CSMD1: variants seen among roughly 807,000 people sequenced by gnomAD.
The protein encoded by CSMD1 is CUB and sushi domain-containing protein 1.
A neutral mutation model predicts 417.5 loss-of-function variants in CSMD1; 213 were observed. The observed-to-expected ratio is 0.51, with a 90% CI of 0.46 to 0.57. The LOEUF (loss-of-function observed/expected upper bound fraction) is 0.57, where lower values mean the gene tolerates loss of function less well. Among genes scored for constraint, CSMD1 ranks in the 20% least tolerant of loss-of-function variants. CSMD1 has a pLI of 0.00. For missense variants in CSMD1, 6,923 were observed against 4,529.7 expected (o/e 1.53, Z -15.17); for synonymous variants, 2,862 against 1,736.8 (o/e 1.65, Z -16.11).
At chr8:4,077,293 A>G (rs376111082) in intron 3 of CSMD1, among the ~76,000 whole-genome samples, 2,365 of 84,386 alleles carry the variant, frequency 0.028, 39 homozygotes, top group Non-Finnish European at 0.034. Flanking sequence ...ATATATATAT[A>G]TGTGTATATA....
At chr8:4,024,307 C>T (rs1410075856) in intron 4 of CSMD1, among the ~76,000 whole-genome samples, 1 of 152,106 alleles carries the variant, frequency 6.6e-6, no homozygotes, top group African/African-American at 2.4e-5. Context: ...AAACAAATTA[C>T]ATAAAAGACA....
intron 1 of CSMD1, among the ~76,000 whole-genome samples, chr8:4,742,000 CTTTTTTTTTTTTTTTTTTTTT>C (rs71209120): frequency 1.6e-4 from 12 of 73,814 alleles, no homozygotes; most frequent in African/African-American, 5.4e-4. Context: ...ACCACACCCA[CTTTTTTTTTTTTTTTTTTTTT>C]TTTTTTTTTT....
At chr8:3,893,443 G>A (rs1054621230) in intron 5 of CSMD1, among the ~76,000 whole-genome samples, 2 of 147,586 alleles carry the variant, frequency 1.4e-5, no homozygotes, top group Non-Finnish European at 3.0e-5. Context: ...AAACCAATGA[G>A]GACAGTATGA....
chr8:3,747,930 A>T (rs1011998740), intron 6 of CSMD1, among the ~76,000 whole-genome samples: 12 of 152,124 alleles, frequency 7.9e-5, no homozygotes, highest in Non-Finnish European at 1.6e-4. Flanking sequence ...CAGCCCTAGA[A>T]AAAACCCTTG....
At chr8:3,210,942 A>G (rs983835522) in intron 30 of CSMD1, among the ~76,000 whole-genome samples, 5 of 151,984 alleles carry the variant, frequency 3.3e-5, no homozygotes, top group African/African-American at 7.3e-5. Flanking sequence ...ACTAGACTCT[A>G]TATAATTGCT....
intron 3 of CSMD1, among the ~76,000 whole-genome samples, chr8:4,216,250 A>C (rs1800660862): frequency 6.6e-6 from 1 of 151,826 alleles, no homozygotes; most frequent in Non-Finnish European, 1.5e-5. Flanking sequence ...TTCTGCCTGG[A>C]ATCCTTTCAC....
chr8:4,242,910 T>G (rs1003521552), intron 3 of CSMD1, among the ~76,000 whole-genome samples: 5 of 152,292 alleles, frequency 3.3e-5, no homozygotes, highest in African/African-American at 2.4e-5. Context: ...GTTCTAAAAC[T>G]TTTTCTGACC....
intron 5 of CSMD1, among the ~76,000 whole-genome samples, chr8:3,973,967 T>G (rs1487526405): frequency 1.3e-5 from 2 of 152,220 alleles, no homozygotes; most frequent in African/African-American, 4.8e-5. Context: ...ATCCATTCCC[T>G]CAAGCATTTA....
Position 4,050,382 on chromosome 8 carries a change from TTTTTTAA to T in CSMD1, c.416-18290_416-18284del, listed in dbSNP as rs568755001. ...AATCAAGAGCAGAGAATCTACAAAC[TTTTTTAA>T]TTTTTAATTTTTAAAATTTTATTTA... is the stretch of plus-strand genomic sequence containing the variant. On this transcript the variant is annotated intron_variant, in intron 3 of 69. Coordinates refer to ENST00000635120, the MANE Select transcript of CSMD1 (RefSeq NM_033225.6). Among the ~76,000 whole-genome samples the T allele has an allele frequency of 1.2e-3, 182 of 152,314 alleles. 1 individual carries two copies. The highest frequency in any genetic ancestry group is 4.3e-3 in the African/African-American group (178 of 41,564).
intron 5 of CSMD1, among the ~76,000 whole-genome samples, chr8:3,875,127 GT>G (rs1805731059): frequency 6.6e-6 from 1 of 151,974 alleles, no homozygotes; most frequent in South Asian, 2.1e-4. Context: ...ACATTGTGGG[GT>G]TTGGAAATTA....
At chr8:3,546,014 G>C (rs1010677779) in intron 10 of CSMD1, among the ~76,000 whole-genome samples, 1 of 152,208 alleles carries the variant, frequency 6.6e-6, no homozygotes, top group African/African-American at 2.4e-5. Flanking sequence ...ATGACACTGA[G>C]AAAGATTTCT....
chr8:4,630,772 T>A (rs1304324063), intron 2 of CSMD1, among the ~76,000 whole-genome samples: 1 of 152,076 alleles, frequency 6.6e-6, no homozygotes, highest in Non-Finnish European at 1.5e-5. Flanking sequence ...ATTGATGGGT[T>A]TCTGTGATGT....
At chr8:3,948,975 G>C (rs1051453120) in intron 5 of CSMD1, among the ~76,000 whole-genome samples, 3 of 151,694 alleles carry the variant, frequency 2.0e-5, no homozygotes, top group Non-Finnish European at 4.4e-5. Context: ...TTATCACCAG[G>C]GTAAGAAGTT....
intron 1 of CSMD1, among the ~76,000 whole-genome samples, chr8:4,709,608 G>A (rs990768936): frequency 1.3e-5 from 2 of 152,196 alleles, no homozygotes; most frequent in Non-Finnish European, 2.9e-5. Flanking sequence ...CCAAAGGCAA[G>A]AAACAAATAT....
chr8:3,820,228 C>A (rs1052950389), intron 5 of CSMD1, among the ~76,000 whole-genome samples: 1 of 152,140 alleles, frequency 6.6e-6, no homozygotes, highest in Admixed American at 6.5e-5. Context: ...AGGGGTCAGC[C>A]ATATAGACAC....
At chr8:4,306,476 T>G (rs957946630) in intron 3 of CSMD1, among the ~76,000 whole-genome samples, 1 of 152,230 alleles carries the variant, frequency 6.6e-6, no homozygotes, top group Admixed American at 6.5e-5. Context: ...TGTGAATGCC[T>G]CAGCAGGGTG....
intron 1 of CSMD1, among the ~76,000 whole-genome samples, chr8:4,872,623 C>A (rs1425559854): frequency 6.6e-6 from 1 of 152,060 alleles, no homozygotes; most frequent in East Asian, 1.9e-4. Context: ...CAGTTCTTTA[C>A]AGTGGTATGA....
At chr8:3,335,949 C>T (rs115457417) in intron 23 of CSMD1, among the ~76,000 whole-genome samples, 1,829 of 152,232 alleles carry the variant, frequency 0.012, 43 homozygotes, top group African/African-American at 0.042. Context: ...TCCTACCCAG[C>T]GCTTGTAGAT....
chr8:3,571,058 C>G (rs1319202751), intron 10 of CSMD1, among the ~76,000 whole-genome samples: 1 of 152,134 alleles, frequency 6.6e-6, no homozygotes, highest in Non-Finnish European at 1.5e-5. Flanking sequence ...GTATTCCACT[C>G]CAGGGCAAAA....
Sources: allele counts gnomAD v4.1 joint callset (sites outside exome capture counted in the v4.1 genomes callset), GRCh38; gene constraint gnomAD v4.1.1; transcripts MANE v1.5; gene names NCBI Gene and HGNC (gene_info 2026-07-23, HGNC 2026-07-21).